The following MYO3B variants were observed in gnomAD, a reference collection of about 807,000 sequenced individuals.
MYO3B encodes myosin IIIB, also known as myosin-IIIb.
A neutral mutation model predicts 174.6 loss-of-function variants in MYO3B; 156 were observed. That is an observed-to-expected ratio of 0.89 (90% CI 0.78 to 1.02). The LOEUF (loss-of-function observed/expected upper bound fraction) is 1.02, where lower values mean the gene tolerates loss of function less well. Among genes scored for constraint, MYO3B ranks in the 50% least tolerant of loss-of-function variants. MYO3B has a pLI of 0.00. For synonymous variants in MYO3B, 563 were observed against 569.1 expected, an observed-to-expected ratio of 0.99 and a Z score of 0.15; for missense variants, 1,632 against 1,639.4, an observed-to-expected ratio of 1.00 and a Z score of 0.08.
chr2:170,431,260 A>T (rs2094706364), intron 22 of MYO3B, among the ~76,000 whole-genome samples: 1 of 152,168 alleles, frequency 6.6e-6, no homozygotes, highest in Admixed American at 6.5e-5. Context: ...ATCTGGCTCT[A>T]AAAGGAAATT....
intron 21 of MYO3B, among the ~76,000 whole-genome samples, chr2:170,407,216 C>T (rs1558970773): frequency 6.6e-6 from 1 of 152,158 alleles, no homozygotes; most frequent in Non-Finnish European, 1.5e-5. Context: ...AATCCCAGCA[C>T]TTTGGGAGGC....
intron 28 of MYO3B, among the ~76,000 whole-genome samples, chr2:170,503,598 C>G (rs1451738138): frequency 1.3e-5 from 2 of 150,064 alleles, no homozygotes; most frequent in Admixed American, 1.3e-4. Context: ...TTTTTTTTAG[C>G]CTTGCAAGCA....
intron 29 of MYO3B, among the ~76,000 whole-genome samples, chr2:170,519,093 C>T (rs1008339319): frequency 6.6e-6 from 1 of 152,180 alleles, no homozygotes; most frequent in African/African-American, 2.4e-5. Flanking sequence ...GATCTGCTGT[C>T]TCTGTCTAGC....
intron 1 of MYO3B, among the ~76,000 whole-genome samples, chr2:170,191,064 C>T (rs2092534574): frequency 6.6e-6 from 1 of 151,864 alleles, no homozygotes; most frequent in African/African-American, 2.4e-5. Flanking sequence ...AGTGATGAAT[C>T]CTGTCAGGAC....
At chr2:170,318,150 A>G (rs2093788888) in intron 7 of MYO3B, among the ~76,000 whole-genome samples, 1 of 152,218 alleles carries the variant, frequency 6.6e-6, no homozygotes, top group Non-Finnish European at 1.5e-5. Flanking sequence ...GTAAAATATA[A>G]AGCATCATTA....
At chr2:170,338,684 C>A (rs6754273) in intron 8 of MYO3B, among the ~76,000 whole-genome samples, 76,350 of 151,976 alleles carry the variant, frequency 0.5, 21,056 homozygotes, top group East Asian at 0.66. Context: ...CTCACTGCAA[C>A]CTTGGCCTCC....
chr2:170,370,147 C>G (rs961805585), intron 9 of MYO3B, among the ~76,000 whole-genome samples: 2 of 152,140 alleles, frequency 1.3e-5, no homozygotes, highest in African/African-American at 4.8e-5. Context: ...GCTTCCTATG[C>G]TCAGCAATTA....
chr2:170,382,926 A>G (rs2094346088), intron 10 of MYO3B, 147 bp from the exon 11 acceptor site: 1 of 573,684 alleles, frequency 1.7e-6, no homozygotes, highest in Non-Finnish European at 3.1e-6. Context: ...ATGAATTGGG[A>G]TCATTAGGGT....
intron 7 of MYO3B, among the ~76,000 whole-genome samples, chr2:170,265,222 G>A (rs1359728607): frequency 6.6e-6 from 1 of 152,060 alleles, no homozygotes; most frequent in East Asian, 1.9e-4. Context: ...AGAATATGTA[G>A]CTCCTCTAGA....
Position 170,199,280 on chromosome 2 carries a change from C to T in MYO3B, c.75C>T (p.Asp25=), listed in dbSNP as rs1034835254. 6.2e-7 allele frequency: 1 copy of T among 1,613,418 alleles called. No homozygotes were observed. Among genetic ancestry groups the T allele is most frequent in the Non-Finnish European group, 8.5e-7 (1 of 1,179,520 alleles). The part of the protein sequence containing the change: ...LGLESLPDPT[D]TWEIIETIGK... ...TTGAATCACTTCCAGATCCCACAGACACCTGGGAAATTATAGAGACCATTG... is the reference window on the plus strand; with the variant it reads ...TTGAATCACTTCCAGATCCCACAGATACCTGGGAAATTATAGAGACCATTG... Residue 25 remains aspartate, a synonymous_variant, in exon 2 of 35, where the codon GAC becomes GAT. Coordinates refer to ENST00000408978, the MANE Select transcript of MYO3B (RefSeq NM_138995.5).
At position 170,356,609 on chromosome 2, in the gene MYO3B, A is replaced by G. The variant is rs111926726; in HGVS notation, c.816-12613A>G. ...ACTCCTGACCTCAGGTGATCCACCC[A>G]CCTCAGCCTCCCAAAGTGCTGGGAT... On this transcript the variant is annotated intron_variant, in intron 8 of 34. Transcript: ENST00000408978. Among the ~76,000 whole-genome samples, 89 of 151,064 alleles carry G rather than the reference A, an allele frequency of 5.9e-4. 1 individual carries two copies. Among genetic ancestry groups the G allele is most frequent in the African/African-American group, 2.0e-3 (83 of 41,168 alleles).
At chr2:170,537,200 C>CAAAAAAA (rs1195145091) in intron 30 of MYO3B, among the ~76,000 whole-genome samples, 1 of 15,656 alleles carries the variant, frequency 6.4e-5, no homozygotes, top group Non-Finnish European at 1.5e-4. Flanking sequence ...GACTCTGTCT[C>CAAAAAAA]AAAAAAAAAA....
At chr2:170,217,505 C>T in intron 6 of MYO3B, 110 bp downstream of exon 6, 1 of 876,070 alleles carries the variant, frequency 1.1e-6, no homozygotes, top group Admixed American at 1.8e-5. Context: ...GAAGAAAGTC[C>T]ATTATCCTCA....
At chr2:170,501,667 G>T in intron 27 of MYO3B, 118 bp from the exon 28 acceptor site, 1 of 651,466 alleles carries the variant, frequency 1.5e-6, no homozygotes, top group East Asian at 2.8e-5. Context: ...TTTGTTCAGT[G>T]AGAAAGCAGG....
chr2:170,216,774 AAG>A (rs2092833649), intron 5 of MYO3B, among the ~76,000 whole-genome samples: 1 of 152,224 alleles, frequency 6.6e-6, no homozygotes. Flanking sequence ...CTTATTAAGA[AAG>A]AAGTCATGTG....
intron 23 of MYO3B, among the ~76,000 whole-genome samples, chr2:170,445,727 T>C (rs1466027709): frequency 2.0e-5 from 3 of 152,142 alleles, no homozygotes; most frequent in Non-Finnish European, 2.9e-5. Flanking sequence ...CTTGAATTTC[T>C]GGCTTCAAGG....
At chr2:170,593,387 G>C (rs1022279984) in intron 32 of MYO3B, among the ~76,000 whole-genome samples, 1 of 152,168 alleles carries the variant, frequency 6.6e-6, no homozygotes, top group African/African-American at 2.4e-5. Context: ...GCAGGCATGA[G>C]CCAGCATGCC....
intron 16 of MYO3B, 26 bp downstream of exon 16, chr2:170,392,521 C>A: frequency 7.2e-7 from 1 of 1,383,658 alleles, no homozygotes; most frequent in Non-Finnish European, 9.9e-7. Context: ...GAGAGGAACT[C>A]AAGTGACAAT....
intron 30 of MYO3B, among the ~76,000 whole-genome samples, chr2:170,542,623 G>T (rs749228038): frequency 2.0e-5 from 3 of 152,144 alleles, no homozygotes; most frequent in Non-Finnish European, 2.9e-5. Context: ...AAGCCCAATA[G>T]AGCTCGCTAA....
Sources: gnomAD v4.1 joint callset for allele counts (sites outside exome capture counted in the v4.1 genomes callset) on GRCh38, gnomAD v4.1.1 for gene constraint, MANE v1.5 for transcripts, NCBI Gene and HGNC (gene_info 2026-07-23, HGNC 2026-07-21) for gene names.